Variants in RPS7 observed in about 807,000 individuals in gnomAD.
RPS7 encodes the protein ribosomal protein S7.
A neutral mutation model predicts 22.1 loss-of-function variants in RPS7; 1 was observed. That is an observed-to-expected ratio of 0.05 (90% CI 0.02 to 0.21). The LOEUF is 0.21. Among genes scored for constraint, RPS7 ranks in the 10% least tolerant of loss-of-function variants. The pLI is 1.00. For missense variants in RPS7, 137 were observed against 246.4 expected (o/e 0.56, Z 2.97); for synonymous variants, 80 against 92.0 (o/e 0.87, Z 0.74).
chr2:3,578,594 G>C lies in RPS7; in HGVS notation c.356+820G>C, dbSNP rs1661336264. The C allele has an allele frequency of 2.0e-5, 3 of 152,104 alleles. No individual in the cohort carries two copies. The South Asian group carries it at 6.2e-4, about 32-fold the overall frequency. 9.4% of individuals were successfully genotyped at this position (152,104 alleles called of 1,614,324 possible). A position where few individuals can be genotyped will look rare whatever the true frequency, so the allele number is the denominator to read the frequency against. ...GTTGGGAGTCTGGTAATGTGTTATT[G>C]TGTCGAGCTGTGGTATGTGGAAAGG... On this transcript the variant is annotated intron_variant, in intron 5 of 6. Coordinates refer to ENST00000645674, the MANE Select transcript of RPS7 (RefSeq NM_001011.4).
chr2:3,575,762 C>A (rs1290907083), intron 2 of RPS7, 55 bp from the exon 3 acceptor site: 6 of 1,594,986 alleles, frequency 3.8e-6, no homozygotes, highest in Non-Finnish European at 3.4e-6. Flanking sequence ...GTGTGTTGGG[C>A]CCGGGGTGCT....
At chr2:3,578,786 A>G (rs1490977530) in intron 5 of RPS7, 1 of 152,188 alleles carries the variant, frequency 6.6e-6, no homozygotes, top group African/African-American at 2.4e-5. Context: ...TGAGTATAAG[A>G]ACAGTCCCAG....
chr2:3,580,421 T>A (rs1661378196), intron 6 of RPS7, 161 bp downstream of exon 6: 2 of 729,198 alleles, frequency 2.7e-6, no homozygotes, highest in Non-Finnish European at 5.0e-6. Flanking sequence ...ATGTGTCAGG[T>A]GTTAAATGGA....
At chr2:3,577,422 A>T in intron 4 of RPS7, 1 of 425,014 alleles carries the variant, frequency 2.4e-6, no homozygotes. Flanking sequence ...ATTGATCTGG[A>T]ATAAAAGTAG....
chr2:3,580,009 C>G, intron 5 of RPS7, 101 bp from the exon 6 acceptor site: 1 of 1,080,430 alleles, frequency 9.3e-7, no homozygotes, highest in South Asian at 1.3e-5. Flanking sequence ...ACTTCAGGAA[C>G]CTGGGATTTG....
At chr2:3,578,431 T>A (rs1661333507) in intron 5 of RPS7, 1 of 152,322 alleles carries the variant, frequency 6.6e-6, no homozygotes, top group Non-Finnish European at 1.5e-5. Flanking sequence ...CTAACATGTT[T>A]AATTTGTATT....
intron 5 of RPS7, 165 bp downstream of exon 5, chr2:3,577,939 T>G: frequency 1.6e-6 from 1 of 623,708 alleles, no homozygotes; most frequent in Non-Finnish European, 2.9e-6. Context: ...ATTCTAGATG[T>G]AAAACATACA....
chr2:3,579,943 G>A (rs961186233), intron 5 of RPS7, 167 bp from the exon 6 acceptor site: 5 of 707,784 alleles, frequency 7.1e-6, no homozygotes, highest in South Asian at 6.3e-5. Flanking sequence ...GTAGGCAAAG[G>A]CTTTAGTTTG....
chr2:3,576,101 G>T (rs1661272404), intron 3 of RPS7: 1 of 619,692 alleles, frequency 1.6e-6, no homozygotes, highest in Admixed American at 2.7e-5. Context: ...CCACATGCGG[G>T]CGGTGGAGAA....
chr2:3,575,382 T>C, intron 1 of RPS7, 32 bp downstream of exon 1: 1 of 563,090 alleles, frequency 1.8e-6, no homozygotes, highest in South Asian at 2.1e-5. Flanking sequence ...CGACAGAACT[T>C]TTCTTCTTGG....
At position 3,576,644 on chromosome 2, in the gene RPS7, T is replaced by G. The variant is rs781565717; in HGVS notation, c.291+14T>G. ...TTTATCGCTCAGGTATCTGTTCTAC[T>G]GTTGCAGCACGTTTCTGTTTGTGAA... On this transcript the variant is annotated intron_variant, in intron 4 of 6. Coordinates refer to ENST00000645674, the MANE Select transcript of RPS7 (RefSeq NM_001011.4). 1 of 1,614,156 alleles carries G rather than the reference T, an allele frequency of 6.2e-7. No homozygotes were observed. The highest frequency in any genetic ancestry group is 8.5e-7 in the Non-Finnish European group (1 of 1,179,978).
Position 3,580,887 on chromosome 2 carries a change from A to C in RPS7, c.*5A>C. ...TTCCCAGAGTTTCAATTGTAAACAA[A>C]AATGACTAAATAAAAAGTATATATT... is the stretch of plus-strand genomic sequence containing the variant. On this transcript the variant is annotated 3_prime_UTR_variant, in exon 7 of 7. Coordinates refer to ENST00000645674, the MANE Select transcript of RPS7 (RefSeq NM_001011.4). 1 of 1,457,698 alleles carries C rather than the reference A, an allele frequency of 6.9e-7. No homozygotes were observed. Among genetic ancestry groups the C allele is most frequent in the South Asian group, 1.1e-5 (1 of 88,036 alleles). The allele number at this position is 1,457,698 out of a possible 1,614,324, so 90.3% of individuals were successfully genotyped here.
At chr2:3,580,341 C>A in intron 6 of RPS7, 81 bp downstream of exon 6, 1 of 1,231,656 alleles carries the variant, frequency 8.1e-7, no homozygotes, top group Non-Finnish European at 1.2e-6. Flanking sequence ...CATGCGCCAC[C>A]ATAGCAATGA....
At position 3,576,042 on chromosome 2, in the gene RPS7, C is replaced by CGCCCAGGTGCGGGG. The variant is rs1208192209; in HGVS notation, c.147+155_147+168dup. ...CGGCCGTGTTGTTTGGGAGTGATAC[C>CGCCCAGGTGCGGGG]GCCCAGGTGCGGGGAGTGGGGTTGC... On this transcript the variant is annotated intron_variant, in intron 3 of 6. Coordinates refer to ENST00000645674, the MANE Select transcript of RPS7 (RefSeq NM_001011.4). 7 of 687,454 alleles carry CGCCCAGGTGCGGGG rather than the reference C, an allele frequency of 1.0e-5. No homozygotes were observed. In the Admixed American group the frequency reaches 1.3e-4, roughly 13 times the overall value. 42.6% of individuals were successfully genotyped at this position (687,454 alleles called of 1,614,324 possible).
chr2:3,576,296 G>C, intron 3 of RPS7, 191 bp from the exon 4 acceptor site: 1 of 671,770 alleles, frequency 1.5e-6, no homozygotes, highest in Non-Finnish European at 2.7e-6. Context: ...TCCCTTCCTG[G>C]AATAAGGAAA....
At chr2:3,576,372 A>G (rs899400632) in intron 3 of RPS7, 115 bp from the exon 4 acceptor site, 1 of 883,312 alleles carries the variant, frequency 1.1e-6, no homozygotes, top group African/African-American at 1.6e-5. Flanking sequence ...CAAAACTAGT[A>G]TTAGTTTGTA....
chr2:3,576,898 A>G (rs1661292840), intron 4 of RPS7: 1 of 485,122 alleles, frequency 2.1e-6, no homozygotes, highest in South Asian at 2.1e-5. Context: ...TTTAAAAAGA[A>G]AGATAAAGTA....
At chr2:3,579,488 A>G (rs1661353389) in intron 5 of RPS7, 1 of 162,092 alleles carries the variant, frequency 6.2e-6, no homozygotes, top group African/African-American at 2.4e-5. Context: ...AAATGCTGAA[A>G]CAAAGAACCG....
intron 2 of RPS7, 65 bp from the exon 3 acceptor site, chr2:3,575,752 G>T (rs377748128): frequency 2.5e-6 from 4 of 1,594,528 alleles, no homozygotes; most frequent in Non-Finnish European, 3.4e-6. Context: ...GCGGCCGCGC[G>T]TGTGTTGGGC....
Sources: gnomAD v4.1 joint callset for allele counts on GRCh38, gnomAD v4.1.1 for gene constraint, MANE v1.5 for transcripts, NCBI Gene and HGNC (gene_info 2026-07-23, HGNC 2026-07-21) for gene names.